The following PTPRG variants were observed in gnomAD, a reference collection of about 807,000 sequenced individuals.
PTPRG encodes receptor-type tyrosine-protein phosphatase gamma.
In PTPRG, 102 loss-of-function variants were observed where a neutral mutation model predicts 165.3. That is an observed-to-expected ratio of 0.62 (90% CI 0.53 to 0.73). The LOEUF is 0.73. PTPRG is among the 30% of genes least tolerant of loss of function. The pLI is 0.00. For missense variants in PTPRG, 1,866 were observed against 1,861.4 expected (o/e 1.00, Z -0.05); for synonymous variants, 675 against 669.5 (o/e 1.01, Z -0.13).
At chr3:61,664,090 T>C (rs1702742646) in intron 1 of PTPRG, among the ~76,000 whole-genome samples, 1 of 152,206 alleles carries the variant, frequency 6.6e-6, no homozygotes, top group Non-Finnish European at 1.5e-5. Flanking sequence ...ACTTTCTGTT[T>C]TGGCAGAATT....
At chr3:61,720,427 G>T (rs555488097) in intron 1 of PTPRG, among the ~76,000 whole-genome samples, 1 of 152,192 alleles carries the variant, frequency 6.6e-6, no homozygotes, top group Middle Eastern at 3.4e-3. Flanking sequence ...CCCGGCCAAC[G>T]GGAATTTTTA....
chr3:61,980,741 A>T (rs1228298128), intron 2 of PTPRG, among the ~76,000 whole-genome samples: 1 of 152,234 alleles, frequency 6.6e-6, no homozygotes, highest in Non-Finnish European at 1.5e-5. Context: ...TAAAATTTAA[A>T]TTCAGACATG....
intron 2 of PTPRG, among the ~76,000 whole-genome samples, chr3:61,924,192 C>T (rs1456354036): frequency 2.6e-5 from 4 of 152,122 alleles, no homozygotes; most frequent in African/African-American, 4.8e-5. Context: ...TCCAGTTGGC[C>T]GGCAGTCAGG....
chr3:62,185,098 C>T (rs1046552849), intron 8 of PTPRG, among the ~76,000 whole-genome samples: 1 of 151,920 alleles, frequency 6.6e-6, no homozygotes, highest in African/African-American at 2.4e-5. Flanking sequence ...GATCAGAGGA[C>T]CTTGGGTGCT....
chr3:62,244,855 A>G (rs1431544921), intron 15 of PTPRG, among the ~76,000 whole-genome samples: 2 of 152,234 alleles, frequency 1.3e-5, no homozygotes, highest in Non-Finnish European at 2.9e-5. Flanking sequence ...AATGAACGTT[A>G]GAAAAATTTC....
intron 2 of PTPRG, among the ~76,000 whole-genome samples, chr3:61,802,839 C>T (rs1013881254): frequency 2.0e-5 from 3 of 151,946 alleles, no homozygotes; most frequent in Non-Finnish European, 4.4e-5. Context: ...ATACCCATGC[C>T]CAGTATAAAG....
chr3:61,960,971 A>G (rs2040140490), intron 2 of PTPRG, among the ~76,000 whole-genome samples: 1 of 152,126 alleles, frequency 6.6e-6, no homozygotes, highest in Admixed American at 6.6e-5. Context: ...ATTAGCCTGC[A>G]TTCTTCATTT....
chr3:62,156,898 G>C (rs1271031466), intron 6 of PTPRG, among the ~76,000 whole-genome samples, 169 bp from the exon 7 acceptor site: 2 of 152,136 alleles, frequency 1.3e-5, no homozygotes, highest in Non-Finnish European at 2.9e-5. Flanking sequence ...GGGAAATGCT[G>C]CTTTGTTTAC....
At chr3:61,640,474 C>T (rs1472293265) in intron 1 of PTPRG, among the ~76,000 whole-genome samples, 3 of 152,222 alleles carry the variant, frequency 2.0e-5, no homozygotes, top group Non-Finnish European at 4.4e-5. Flanking sequence ...AAGGATCAGG[C>T]TCTATACCAG....
chr3:61,851,340 G>C (rs2107365893), intron 2 of PTPRG, among the ~76,000 whole-genome samples: 1 of 152,278 alleles, frequency 6.6e-6, no homozygotes, highest in African/African-American at 2.4e-5. Flanking sequence ...CTATTTTATA[G>C]GAGGGTGAAT....
At chr3:61,989,342 T>C (rs1354793420) in intron 2 of PTPRG, among the ~76,000 whole-genome samples, 1 of 152,228 alleles carries the variant, frequency 6.6e-6, no homozygotes, top group Admixed American at 6.5e-5. Context: ...GTCAGAAATA[T>C]GGACAACCCT....
chr3:62,028,486 A>G (rs1018515890), intron 4 of PTPRG, among the ~76,000 whole-genome samples: 5 of 152,218 alleles, frequency 3.3e-5, no homozygotes, highest in African/African-American at 4.8e-5. Flanking sequence ...TAAGAGGAAT[A>G]AGAATGCTGA....
At chr3:61,746,787 T>C (rs932974182) in intron 1 of PTPRG, among the ~76,000 whole-genome samples, 2 of 152,138 alleles carry the variant, frequency 1.3e-5, no homozygotes. Flanking sequence ...GATACACAGC[T>C]AGCTGGAGTG....
chr3:61,683,723 A>T (rs913088509), intron 1 of PTPRG, among the ~76,000 whole-genome samples: 4 of 152,200 alleles, frequency 2.6e-5, no homozygotes, highest in Non-Finnish European at 4.4e-5. Flanking sequence ...CTTCACCGTC[A>T]CTTGAATATT....
intron 5 of PTPRG, among the ~76,000 whole-genome samples, chr3:62,098,665 C>T (rs1166800596): frequency 6.6e-6 from 1 of 152,132 alleles, no homozygotes. Flanking sequence ...TTTCTGTATT[C>T]TTTATTACCT....
chr3:62,215,913 C>G (rs1386366399), intron 12 of PTPRG, among the ~76,000 whole-genome samples: 2 of 152,174 alleles, frequency 1.3e-5, no homozygotes. Context: ...TCACTTTTCA[C>G]TGGTTTTAGA....
chr3:61,925,934 G>A (rs191561709), intron 2 of PTPRG: 10 of 487,128 alleles, frequency 2.1e-5, no homozygotes, highest in Non-Finnish European at 3.7e-5. Context: ...ATAGGAACTC[G>A]AGCTCCTGGC....
chr3:61,600,638 C>T (rs776841008), intron 1 of PTPRG, among the ~76,000 whole-genome samples: 4 of 152,142 alleles, frequency 2.6e-5, no homozygotes, highest in Non-Finnish European at 5.9e-5. Context: ...CTCTCAGGCT[C>T]AAGCGATCCT....
intron 2 of PTPRG, among the ~76,000 whole-genome samples, chr3:61,837,692 A>C (rs777105542): frequency 6.6e-6 from 1 of 152,192 alleles, no homozygotes; most frequent in African/African-American, 2.4e-5. Context: ...GGGTGCTTTC[A>C]CTGATCAATT....
Sources: allele counts gnomAD v4.1 joint callset (sites outside exome capture counted in the v4.1 genomes callset), GRCh38; gene constraint gnomAD v4.1.1; transcripts MANE v1.5; gene names NCBI Gene and HGNC (gene_info 2026-07-23, HGNC 2026-07-21).